The following MBD5 variants were observed in gnomAD, a reference collection of about 807,000 sequenced individuals.
MBD5 encodes the protein methyl-CpG-binding domain protein 5.
Under a neutral mutation model 117.3 loss-of-function variants are expected in MBD5, and 13 were observed. That is an observed-to-expected ratio of 0.11 (90% CI 0.07 to 0.18). The LOEUF (loss-of-function observed/expected upper bound fraction) is 0.18. Ranked by LOEUF, MBD5 falls within the 10% of genes least tolerant of loss-of-function variation. MBD5 has a pLI of 1.00. For synonymous variants in MBD5, 727 were observed against 766.4 expected, an observed-to-expected ratio of 0.95 and a Z score of 0.85; for missense variants, 1,879 against 2,093.8, an observed-to-expected ratio of 0.90 and a Z score of 2.00.
At chr2:148,050,414 T>A (rs1422956190) in intron 1 of MBD5, among the ~76,000 whole-genome samples, 2 of 152,186 alleles carry the variant, frequency 1.3e-5, no homozygotes, top group African/African-American at 4.8e-5. Context: ...GTTTGCCTTT[T>A]CATTATCTTT....
intron 1 of MBD5, among the ~76,000 whole-genome samples, chr2:148,037,792 A>T (rs1675663538): frequency 6.6e-6 from 1 of 152,012 alleles, no homozygotes; most frequent in Non-Finnish European, 1.5e-5. Context: ...TTCTAAAAAT[A>T]TTAAGTACTT....
intron 1 of MBD5, among the ~76,000 whole-genome samples, chr2:148,091,470 A>G (rs1214569017): frequency 6.6e-6 from 1 of 152,184 alleles, no homozygotes; most frequent in African/African-American, 2.4e-5. Flanking sequence ...ACGTAGACCA[A>G]TAGAATAGAA....
intron 2 of MBD5, among the ~76,000 whole-genome samples, chr2:148,222,586 G>GT (rs1699717041): frequency 6.6e-6 from 1 of 152,006 alleles, no homozygotes; most frequent in Admixed American, 6.6e-5. Flanking sequence ...AAATGCTACT[G>GT]TTTTTTGTAG....
chr2:148,356,195 T>C (rs749904103), intron 4 of MBD5, among the ~76,000 whole-genome samples: 19 of 152,152 alleles, frequency 1.2e-4, no homozygotes, highest in Non-Finnish European at 2.2e-4. Context: ...GCATTTGGTG[T>C]TCCCTCTACC....
chr2:148,316,467 A>G (rs894857475), intron 3 of MBD5, among the ~76,000 whole-genome samples: 1 of 152,186 alleles, frequency 6.6e-6, no homozygotes, highest in African/African-American at 2.4e-5. Flanking sequence ...GCAATCTCAT[A>G]TCCTCAGCTT....
At position 148,453,328 on chromosome 2, in the gene MBD5, C is replaced by T. The variant is rs1482544028; in HGVS notation, c.-556-4875C>T. 2.6e-5 allele frequency among the ~76,000 whole-genome samples: 4 copies of T among 152,130 alleles called. No homozygotes were observed. In the East Asian group the frequency reaches 5.8e-4, roughly 22 times the overall value. On this transcript the variant is annotated intron_variant, in intron 4 of 13. Transcript: ENST00000642680. ...AATTCAATCCACCAAAAGCCATTTCCAGAGACTAATTTGCATTTTTAAAGG... is the reference window on the plus strand; with the variant it reads ...AATTCAATCCACCAAAAGCCATTTCTAGAGACTAATTTGCATTTTTAAAGG...
chr2:148,502,604 C>T (rs904801625), intron 12 of MBD5, 95 bp downstream of exon 12: 20 of 1,208,268 alleles, frequency 1.7e-5, no homozygotes, highest in African/African-American at 9.0e-5. Flanking sequence ...ATTCTGTCCA[C>T]GCTGTGGCCT....
intron 1 of MBD5, among the ~76,000 whole-genome samples, chr2:148,170,647 G>A (rs1256027902): frequency 3.9e-5 from 6 of 152,188 alleles, no homozygotes. Flanking sequence ...CTACGAGAAA[G>A]TTGCATAATA....
intron 1 of MBD5, among the ~76,000 whole-genome samples, chr2:148,169,036 C>T (rs552940988): frequency 8.0e-5 from 12 of 150,560 alleles, no homozygotes; most frequent in South Asian, 4.2e-4. Flanking sequence ...TATAACACTG[C>T]GCAGAGGAAG....
At chr2:148,208,181 A>G (rs1699332282) in intron 2 of MBD5, among the ~76,000 whole-genome samples, 1 of 152,186 alleles carries the variant, frequency 6.6e-6, no homozygotes, top group South Asian at 2.1e-4. Flanking sequence ...TCAATCTAGA[A>G]AACATGGAAT....
At chr2:148,164,851 A>G (rs1698088416) in intron 1 of MBD5, among the ~76,000 whole-genome samples, 1 of 152,206 alleles carries the variant, frequency 6.6e-6, no homozygotes, top group Admixed American at 6.5e-5. Flanking sequence ...TGAGCAGCCA[A>G]CATGTAGTGA....
intron 7 of MBD5, among the ~76,000 whole-genome samples, chr2:148,466,648 C>CTTTT (rs1707269379): frequency 6.6e-6 from 1 of 152,140 alleles, no homozygotes; most frequent in Non-Finnish European, 1.5e-5. Context: ...TAATTACAAA[C>CTTTT]TTTAAAAATC....
chr2:148,225,349 C>A (rs1284507223), intron 2 of MBD5, among the ~76,000 whole-genome samples: 1 of 152,150 alleles, frequency 6.6e-6, no homozygotes, highest in Non-Finnish European at 1.5e-5. Flanking sequence ...GCCTTAACTT[C>A]ATCCCCCTGT....
chr2:148,280,324 A>G (rs538353561), intron 3 of MBD5, among the ~76,000 whole-genome samples: 12 of 152,004 alleles, frequency 7.9e-5, no homozygotes, highest in African/African-American at 2.7e-4. Context: ...TCACCTTTGT[A>G]TTTTGTCGAT....
chr2:148,261,533 AAG>A (rs1477476659), intron 3 of MBD5, among the ~76,000 whole-genome samples: 5 of 152,294 alleles, frequency 3.3e-5, no homozygotes, highest in Non-Finnish European at 7.4e-5. Context: ...CAGAGAATTG[AAG>A]AGAGTTAGGG....
intron 1 of MBD5, among the ~76,000 whole-genome samples, chr2:148,149,270 C>G (rs1267710024): frequency 7.3e-6 from 1 of 136,350 alleles, no homozygotes; most frequent in Non-Finnish European, 1.6e-5. Flanking sequence ...GACATGAACT[C>G]ATCATTTTTT....
intron 1 of MBD5, among the ~76,000 whole-genome samples, chr2:148,146,239 A>T (rs554413246): frequency 6.7e-6 from 1 of 150,294 alleles, no homozygotes; most frequent in Admixed American, 6.7e-5. Flanking sequence ...TGCCACTTAG[A>T]AATTATCTCT....
chr2:148,176,748 T>C (rs981489941), intron 1 of MBD5, among the ~76,000 whole-genome samples: 1 of 152,106 alleles, frequency 6.6e-6, no homozygotes, highest in Non-Finnish European at 1.5e-5. Context: ...CTATTTCATG[T>C]CATTTTTAGT....
intron 8 of MBD5, among the ~76,000 whole-genome samples, chr2:148,474,477 C>A (rs1315560705): frequency 6.6e-6 from 1 of 152,150 alleles, no homozygotes; most frequent in Non-Finnish European, 1.5e-5. Flanking sequence ...AGTCATTCAA[C>A]ACAACATAAC....
Sources: gnomAD v4.1 joint callset for allele counts (sites outside exome capture counted in the v4.1 genomes callset) on GRCh38, gnomAD v4.1.1 for gene constraint, MANE v1.5 for transcripts, NCBI Gene and HGNC (gene_info 2026-07-23, HGNC 2026-07-21) for gene names.